Variants in MIS18A observed in about 807,000 individuals in gnomAD.
MIS18A encodes the protein protein Mis18-alpha.
MIS18A carries 14 observed loss-of-function variants against 25.0 expected under a neutral mutation model. That is an observed-to-expected ratio of 0.56 (90% CI 0.37 to 0.88). MIS18A has a LOEUF of 0.88. MIS18A is among the 40% of genes least tolerant of loss of function. The probability of loss-of-function intolerance (pLI) is 0.00; values close to 1 mark genes in which losing one functional copy is unlikely to be tolerated. For synonymous variants in MIS18A, 134 were observed against 118.6 expected, an observed-to-expected ratio of 1.13 and a Z score of -0.84; for missense variants, 292 against 290.8, an observed-to-expected ratio of 1.00 and a Z score of -0.03.
chr21:32,257,859 G>A, the MIS18A span, among the ~76,000 whole-genome samples: 1 of 152,106 alleles, frequency 6.6e-6, no homozygotes, highest in Admixed American at 6.6e-5. Context: ...TTTTTAATCT[G>A]TTTCAGCAAA....
At chr21:32,185,273 A>G in the MIS18A span, among the ~76,000 whole-genome samples, 1 of 152,074 alleles carries the variant, frequency 6.6e-6, no homozygotes, top group South Asian at 2.1e-4. Context: ...CCTCCCCAGG[A>G]GGGACTTAAC....
At chr21:32,221,357 A>G in the MIS18A span, among the ~76,000 whole-genome samples, 54 of 152,332 alleles carry the variant, frequency 3.5e-4, no homozygotes, top group African/African-American at 1.2e-3. Context: ...TTTTCAACCC[A>G]GAATTTTGTA....
At chr21:32,207,511 G>A in the MIS18A span, among the ~76,000 whole-genome samples, 1 of 152,158 alleles carries the variant, frequency 6.6e-6, no homozygotes, top group Non-Finnish European at 1.5e-5. Context: ...CAGCTGGCCT[G>A]GTACAGCCGC....
the MIS18A span, among the ~76,000 whole-genome samples, chr21:32,192,799 C>T: frequency 6.6e-6 from 1 of 152,316 alleles, no homozygotes; most frequent in South Asian, 2.1e-4. Flanking sequence ...TAGGAGCAAC[C>T]TCTTGCAAGG....
At position 32,278,821 on chromosome 21, in the gene MIS18A, T is replaced by C. The variant is rs867638139; in HGVS notation, c.194A>G (p.Glu65Gly). The C allele has an allele frequency of 6.2e-7, 1 of 1,601,278 alleles. No individual in the cohort carries two copies. Among genetic ancestry groups the C allele is most frequent in the South Asian group, 1.1e-5 (1 of 90,030 alleles). Reference protein sequence around the residue: ...MSEDASVADMERAQLEEEAAA... With the variant: ...MSEDASVADMGRAQLEEEAAA... ...CGCCTCCTCCTCCAGCTGCGCCCTCTCCATGTCGGCCACCGACGCGTCTTC... is the reference window on the plus strand; with the variant it reads ...CGCCTCCTCCTCCAGCTGCGCCCTCCCCATGTCGGCCACCGACGCGTCTTC... Residue 65 changes from glutamate (E) to glycine (G), a missense_variant, in exon 1 of 5, where the codon GAG becomes GGG. Glu to Gly is a moderately conservative substitution (Grantham distance 98, BLOSUM62 -2). Transcript: ENST00000290130.
At chr21:32,173,962 T>G in the MIS18A span, among the ~76,000 whole-genome samples, 8 of 28,222 alleles carry the variant, frequency 2.8e-4, no homozygotes, top group Middle Eastern at 0.015. Context: ...TAAGTTTTTT[T>G]TTTTTTTTTT....
chr21:32,205,097 CTTTTTTTTT>C, the MIS18A span, among the ~76,000 whole-genome samples: 5 of 66,182 alleles, frequency 7.6e-5, no homozygotes, highest in Admixed American at 7.8e-4. Flanking sequence ...AGAACTTGTC[CTTTTTTTTT>C]TTTTTTTTTT....
At chr21:32,175,646 G>GAAAAAAAAA in the MIS18A span, among the ~76,000 whole-genome samples, 1 of 135,554 alleles carries the variant, frequency 7.4e-6, no homozygotes, top group African/African-American at 2.8e-5. Context: ...GGTCTCTACT[G>GAAAAAAAAA]AAAAAAAAAA....
At chr21:32,254,401 G>T in the MIS18A span, among the ~76,000 whole-genome samples, 1 of 148,024 alleles carries the variant, frequency 6.8e-6, no homozygotes, top group Admixed American at 6.7e-5. Flanking sequence ...TGTGGTGGCA[G>T]GCACCTGTAA....
At chr21:32,262,581 G>T in the MIS18A span, among the ~76,000 whole-genome samples, 1 of 152,090 alleles carries the variant, frequency 6.6e-6, no homozygotes, top group Non-Finnish European at 1.5e-5. Context: ...TTGGTTCATG[G>T]TCTCACTTCC....
the MIS18A span, among the ~76,000 whole-genome samples, chr21:32,221,260 C>G: frequency 6.6e-6 from 1 of 152,132 alleles, no homozygotes; most frequent in Non-Finnish European, 1.5e-5. Flanking sequence ...AAGGGAAACC[C>G]ATCAGACCAA....
At chr21:32,256,897 C>T in the MIS18A span, among the ~76,000 whole-genome samples, 2 of 151,774 alleles carry the variant, frequency 1.3e-5, no homozygotes, top group Admixed American at 1.3e-4. Flanking sequence ...GAATAAGACT[C>T]ATTCTTACAG....
At chr21:32,270,137 T>A (rs534507521) in intron 3 of MIS18A, among the ~76,000 whole-genome samples, 2 of 152,304 alleles carry the variant, frequency 1.3e-5, no homozygotes, top group African/African-American at 4.8e-5. Context: ...AATATCCTAC[T>A]GAACTACTTT....
chr21:32,263,076 C>T, the MIS18A span, among the ~76,000 whole-genome samples: 8 of 152,144 alleles, frequency 5.3e-5, no homozygotes, highest in African/African-American at 1.9e-4. Flanking sequence ...CAAAATATGT[C>T]AGATTAGATC....
At chr21:32,176,430 T>C in the MIS18A span, among the ~76,000 whole-genome samples, 2 of 152,206 alleles carry the variant, frequency 1.3e-5, no homozygotes, top group Admixed American at 6.5e-5. Flanking sequence ...AATGTTATTA[T>C]GTGGTGCACA....
chr21:32,172,295 T>C, the MIS18A span, among the ~76,000 whole-genome samples: 1 of 152,222 alleles, frequency 6.6e-6, no homozygotes, highest in Admixed American at 6.5e-5. Flanking sequence ...TCTGGGCATA[T>C]ACCCAAAGGA....
the MIS18A span, among the ~76,000 whole-genome samples, chr21:32,213,618 T>C: frequency 6.6e-6 from 1 of 152,202 alleles, no homozygotes; most frequent in Non-Finnish European, 1.5e-5. Flanking sequence ...GTGTGGATCA[T>C]ATTCAAGTGT....
At chr21:32,218,161 C>A in the MIS18A span, among the ~76,000 whole-genome samples, 1 of 125,222 alleles carries the variant, frequency 8.0e-6, no homozygotes, top group African/African-American at 3.1e-5. Context: ...CCACTGCATT[C>A]TAGCCTAGGC....
the MIS18A span, among the ~76,000 whole-genome samples, chr21:32,232,590 C>T: frequency 6.6e-6 from 1 of 151,920 alleles, no homozygotes; most frequent in Non-Finnish European, 1.5e-5. Context: ...TATTATTCAT[C>T]TTTGTGACAA....
Sources: allele counts gnomAD v4.1 joint callset (sites outside exome capture counted in the v4.1 genomes callset), GRCh38; gene constraint gnomAD v4.1.1; transcripts MANE v1.5; gene names NCBI Gene and HGNC (gene_info 2026-07-23, HGNC 2026-07-21).